Variants in CHODL observed in about 807,000 individuals in gnomAD.
CHODL encodes the protein transmembrane protein MT75.
CHODL carries 29 observed loss-of-function variants against 34.5 expected under a neutral mutation model. The observed-to-expected ratio is 0.84, with a 90% CI of 0.63 to 1.15. CHODL has a LOEUF of 1.15. Among genes scored for constraint, CHODL ranks in the 50% most tolerant of loss-of-function variants. The pLI, the probability that CHODL is intolerant of heterozygous loss-of-function variation, is 0.00. For synonymous variants in CHODL, 125 were observed against 116.1 expected (o/e 1.08, Z -0.49); for missense variants, 332 against 332.5 (o/e 1.00, Z 0.01).
At chr21:18,019,756 C>T (rs759876132) in intron 1 of CHODL, among the ~76,000 whole-genome samples, 5 of 152,126 alleles carry the variant, frequency 3.3e-5, no homozygotes, top group Non-Finnish European at 5.9e-5. Flanking sequence ...TCATCTCTTA[C>T]GCACATTACA....
intron 1 of CHODL, among the ~76,000 whole-genome samples, chr21:18,250,087 T>C (rs890992456): frequency 2.0e-5 from 3 of 152,158 alleles, no homozygotes; most frequent in Admixed American, 6.6e-5. Flanking sequence ...TATTGCTAAA[T>C]TTGAGGCTTT....
At chr21:17,989,890 G>A (rs1404072466) in intron 1 of CHODL, among the ~76,000 whole-genome samples, 2 of 152,128 alleles carry the variant, frequency 1.3e-5, no homozygotes, top group Admixed American at 1.3e-4. Flanking sequence ...AACATTTTTG[G>A]AAACTTCTTG....
At chr21:18,053,142 A>G (rs1291371124) in intron 2 of CHODL, among the ~76,000 whole-genome samples, 1 of 151,968 alleles carries the variant, frequency 6.6e-6, no homozygotes, top group African/African-American at 2.4e-5. Context: ...GGAAGAGACC[A>G]ATTCTGAAGG....
chr21:18,031,571 C>T (rs1259139993), intron 2 of CHODL, among the ~76,000 whole-genome samples: 1 of 151,906 alleles, frequency 6.6e-6, no homozygotes, highest in Non-Finnish European at 1.5e-5. Flanking sequence ...TTACATTTGC[C>T]ATTGGAAAGG....
intron 2 of CHODL, among the ~76,000 whole-genome samples, chr21:18,124,215 A>G (rs1158410613): frequency 6.6e-6 from 1 of 152,186 alleles, no homozygotes; most frequent in Admixed American, 6.5e-5. Context: ...ATGATTGTCA[A>G]TATCGTAAGT....
chr21:18,062,382 T>TA (rs1342627474), intron 2 of CHODL, among the ~76,000 whole-genome samples: 1 of 151,946 alleles, frequency 6.6e-6, no homozygotes, highest in Non-Finnish European at 1.5e-5. Flanking sequence ...CTAATTTTTT[T>TA]ATTTTTTGTA....
At position 17,948,481 on chromosome 21, in the gene CHODL, CA is replaced by C. The variant is rs377487656; in HGVS notation, c.-145+31085del. Among the ~76,000 whole-genome samples, 7 of 151,408 alleles carry C rather than the reference CA, an allele frequency of 4.6e-5. No individual in the cohort carries two copies. In the South Asian group the frequency reaches 1.2e-3, roughly 27 times the overall value. ...AAATGAAATAGACACTAAAAATCAA[CA>C]AAATTAAGAGTTTGTTTTTTGAAAA... On this transcript the variant is annotated intron_variant, in intron 1 of 6. Transcript: ENST00000400127.
intron 2 of CHODL, among the ~76,000 whole-genome samples, chr21:18,050,869 A>G (rs2064504973): frequency 6.6e-6 from 1 of 151,874 alleles, no homozygotes; most frequent in African/African-American, 2.4e-5. Context: ...ATATTCATTT[A>G]CTAATGATTA....
Position 18,044,741 on chromosome 21 carries a change from A to T in CHODL, c.-45+16770A>T, listed in dbSNP as rs936801226. Among the ~76,000 whole-genome samples, 5 of 151,904 alleles carry T rather than the reference A, an allele frequency of 3.3e-5. No individual in the cohort carries two copies. In the East Asian group the frequency reaches 9.7e-4, roughly 30 times the overall value. ...TTCAGTCATGCCTTCTTGAGATTGT[A>T]TCCTGGTCCTCTTGATTAAATTTTG... On this transcript the variant is annotated intron_variant, in intron 2 of 6. Coordinates refer to the CHODL transcript ENST00000400127.
At chr21:18,112,219 C>G (rs1321368491) in intron 2 of CHODL, among the ~76,000 whole-genome samples, 1 of 151,796 alleles carries the variant, frequency 6.6e-6, no homozygotes, top group African/African-American at 2.4e-5. Flanking sequence ...TCAGTTAAGG[C>G]TTTATAAAAA....
At chr21:17,952,567 A>C (rs1165689272) in intron 1 of CHODL, among the ~76,000 whole-genome samples, 3 of 152,192 alleles carry the variant, frequency 2.0e-5, no homozygotes, top group Non-Finnish European at 4.4e-5. Flanking sequence ...CTGCCCTACA[A>C]AAAAATTCTA....
intron 2 of CHODL, among the ~76,000 whole-genome samples, chr21:18,136,952 A>C (rs1353879003): frequency 6.6e-6 from 1 of 151,990 alleles, no homozygotes; most frequent in Non-Finnish European, 1.5e-5. Context: ...CTTTCTGCTC[A>C]TCTCATTTCA....
At chr21:17,921,058 G>A in intron 1 of CHODL, among the ~76,000 whole-genome samples, 1 of 152,120 alleles carries the variant, frequency 6.6e-6, no homozygotes, top group South Asian at 2.1e-4. Flanking sequence ...AGAGAAACAG[G>A]ACCAATAGGA....
At chr21:17,992,972 T>C (rs1283749789) in intron 1 of CHODL, among the ~76,000 whole-genome samples, 1 of 152,194 alleles carries the variant, frequency 6.6e-6, no homozygotes, top group African/African-American at 2.4e-5. Context: ...TATTTGTATA[T>C]AAAATCATGT....
chr21:18,221,540 A>C (rs916863715), intron 2 of CHODL, among the ~76,000 whole-genome samples: 2 of 152,180 alleles, frequency 1.3e-5, no homozygotes, highest in African/African-American at 4.8e-5. Flanking sequence ...GGTTCTGTAG[A>C]GACTTCTCTC....
At chr21:18,095,736 T>C (rs1206605588) in intron 2 of CHODL, among the ~76,000 whole-genome samples, 1 of 152,208 alleles carries the variant, frequency 6.6e-6, no homozygotes, top group African/African-American at 2.4e-5. Flanking sequence ...CTGATGAATA[T>C]TAATGCAATG....
chr21:17,996,140 A>T (rs2146393981), intron 1 of CHODL, among the ~76,000 whole-genome samples: 1 of 152,226 alleles, frequency 6.6e-6, no homozygotes, highest in Admixed American at 6.5e-5. Context: ...TGAGCGTCTA[A>T]CTCAAATGCA....
intron 1 of CHODL, among the ~76,000 whole-genome samples, chr21:17,962,486 A>G (rs575508721): frequency 6.6e-6 from 1 of 152,128 alleles, no homozygotes; most frequent in Non-Finnish European, 1.5e-5. Flanking sequence ...GGAGTCTGAT[A>G]CAGATGGACA....
At chr21:18,144,207 A>G (rs927924788) in intron 2 of CHODL, among the ~76,000 whole-genome samples, 2 of 152,186 alleles carry the variant, frequency 1.3e-5, no homozygotes, top group African/African-American at 4.8e-5. Context: ...AGGGAATCAT[A>G]TCAGTTATTT....
Sources: gnomAD v4.1 joint callset for allele counts (sites outside exome capture counted in the v4.1 genomes callset) on GRCh38, gnomAD v4.1.1 for gene constraint, MANE v1.5 for transcripts, NCBI Gene and HGNC (gene_info 2026-07-23, HGNC 2026-07-21) for gene names.